The following MAGI2 variants were observed in gnomAD, a reference collection of about 807,000 sequenced individuals.
The protein encoded by MAGI2 is membrane-associated guanylate kinase, WW and PDZ domain-containing protein 2.
MAGI2 carries 35 observed loss-of-function variants against 133.3 expected under a neutral mutation model. The ratio of observed to expected loss-of-function variants is 0.26; its 90% CI spans 0.20 to 0.35. MAGI2 has a LOEUF of 0.35. Among genes scored for constraint, MAGI2 ranks in the 10% least tolerant of loss-of-function variants. MAGI2 has a pLI of 1.00. For missense variants in MAGI2, 1,636 were observed against 1,863.4 expected (o/e 0.88, Z 2.25); for synonymous variants, 729 against 710.6 (o/e 1.03, Z -0.41).
chr7:78,781,883 A>G (rs1383416899), intron 2 of MAGI2, among the ~76,000 whole-genome samples: 1 of 152,190 alleles, frequency 6.6e-6, no homozygotes, highest in Non-Finnish European at 1.5e-5. Flanking sequence ...TTGCTTTGAA[A>G]TCTTTAAGAA....
intron 20 of MAGI2, among the ~76,000 whole-genome samples, chr7:78,123,876 A>G (rs959079194): frequency 3.9e-5 from 6 of 152,202 alleles, no homozygotes; most frequent in Non-Finnish European, 8.8e-5. Context: ...TAGAGAATCT[A>G]CATTTCTACC....
chr7:79,194,715 T>G (rs1827935843), intron 1 of MAGI2, among the ~76,000 whole-genome samples: 1 of 151,766 alleles, frequency 6.6e-6, no homozygotes, highest in Admixed American at 6.6e-5. Context: ...GATGTCTCAG[T>G]GAAATCTTCC....
intron 2 of MAGI2, among the ~76,000 whole-genome samples, chr7:78,675,889 T>C (rs1207644847): frequency 1.3e-5 from 2 of 152,132 alleles, no homozygotes; most frequent in Non-Finnish European, 2.9e-5. Context: ...ACTCAACTAG[T>C]GTTCCATGCA....
intron 1 of MAGI2, among the ~76,000 whole-genome samples, chr7:79,118,376 T>C (rs1819589508): frequency 6.6e-6 from 1 of 152,184 alleles, no homozygotes; most frequent in South Asian, 2.1e-4. Flanking sequence ...CTATCAAGTA[T>C]ATATTTTTGC....
At chr7:79,314,551 A>G (rs10230275) in intron 1 of MAGI2, among the ~76,000 whole-genome samples, 7,368 of 152,258 alleles carry the variant, frequency 0.048, 587 homozygotes, top group African/African-American at 0.17. Context: ...GACAGATTTT[A>G]GTGGATTTTC....
At chr7:79,241,234 C>A (rs751384115) in intron 1 of MAGI2, among the ~76,000 whole-genome samples, 2 of 152,052 alleles carry the variant, frequency 1.3e-5, no homozygotes, top group Non-Finnish European at 2.9e-5. Flanking sequence ...CAAAAGTAAG[C>A]CAAAACACAA....
chr7:78,969,559 A>T (rs566446759), intron 2 of MAGI2, among the ~76,000 whole-genome samples: 1 of 152,142 alleles, frequency 6.6e-6, no homozygotes, highest in South Asian at 2.1e-4. Context: ...TAGTTCGATG[A>T]CTTCTCTAGT....
At chr7:78,554,905 G>A (rs12705579) in intron 3 of MAGI2, among the ~76,000 whole-genome samples, 10,509 of 152,096 alleles carry the variant, frequency 0.069, 440 homozygotes, top group Middle Eastern at 0.092. Flanking sequence ...GGGAAGCTGC[G>A]GTGTGAGGGG....
At chr7:79,351,068 G>A (rs372846279) in intron 1 of MAGI2, among the ~76,000 whole-genome samples, 4 of 152,178 alleles carry the variant, frequency 2.6e-5, no homozygotes, top group African/African-American at 7.2e-5. Context: ...AAATGAAACC[G>A]TTAGTTTGAT....
intron 11 of MAGI2, among the ~76,000 whole-genome samples, chr7:78,198,387 A>G (rs974215587): frequency 3.3e-5 from 5 of 151,304 alleles, no homozygotes; most frequent in African/African-American, 1.2e-4. Flanking sequence ...ACACCCAGGC[A>G]TCAAATAGTA....
chr7:78,159,191 C>T (rs956744389), intron 16 of MAGI2, among the ~76,000 whole-genome samples: 5 of 152,176 alleles, frequency 3.3e-5, no homozygotes, highest in African/African-American at 9.7e-5. Context: ...CTTTCTCCAT[C>T]GCAATTCCCG....
chr7:78,221,501 GTGGCCAAAACTA>G (rs1402619739), intron 10 of MAGI2, among the ~76,000 whole-genome samples: 1 of 152,164 alleles, frequency 6.6e-6, no homozygotes, highest in Non-Finnish European at 1.5e-5. Context: ...GAAGCTGAGA[GTGGCCAAAACTA>G]TGACCAAAAG....
chr7:79,373,881 T>C (rs1296629448), intron 1 of MAGI2, among the ~76,000 whole-genome samples: 3 of 152,048 alleles, frequency 2.0e-5, no homozygotes, highest in Non-Finnish European at 4.4e-5. Flanking sequence ...GTGCTGTTAA[T>C]TGTAAAAGTA....
At chr7:78,880,573 G>T (rs1011643584) in intron 2 of MAGI2, among the ~76,000 whole-genome samples, 1 of 152,124 alleles carries the variant, frequency 6.6e-6, no homozygotes, top group African/African-American at 2.4e-5. Flanking sequence ...GATCTTCAAA[G>T]GAATTCTAAA....
At chr7:78,268,551 A>C (rs987541554) in intron 9 of MAGI2, among the ~76,000 whole-genome samples, 1 of 152,182 alleles carries the variant, frequency 6.6e-6, no homozygotes. Flanking sequence ...TAGAGGAGTC[A>C]AGTCCAACAA....
intron 2 of MAGI2, among the ~76,000 whole-genome samples, chr7:78,741,010 T>C (rs1410398470): frequency 1.3e-5 from 2 of 152,088 alleles, no homozygotes; most frequent in African/African-American, 2.4e-5. Flanking sequence ...AGTGTAGATT[T>C]GTGGCACACT....
At chr7:79,074,785 G>A (rs1815317187) in intron 1 of MAGI2, among the ~76,000 whole-genome samples, 1 of 152,152 alleles carries the variant, frequency 6.6e-6, no homozygotes, top group Non-Finnish European at 1.5e-5. Context: ...GAAATCTGAG[G>A]ACTATTTGCA....
chr7:78,794,576 G>A lies in MAGI2; in HGVS notation c.419-167337C>T, dbSNP rs541702509. On this transcript the variant is annotated intron_variant, in intron 2 of 21. Coordinates refer to ENST00000354212, the MANE Select transcript of MAGI2 (RefSeq NM_012301.4). ...GATTTTACTGATTTTATTTTGAGAA[G>A]CCTTTACTTGTCCTGTTCATGCAAA... Among the ~76,000 whole-genome samples the A allele has an allele frequency of 2.0e-5, 3 of 149,368 alleles. No homozygotes were observed. The East Asian group carries it at 5.9e-4, about 29-fold the overall frequency.
At chr7:78,800,687 C>T (rs886977382) in intron 2 of MAGI2, among the ~76,000 whole-genome samples, 1 of 152,136 alleles carries the variant, frequency 6.6e-6, no homozygotes, top group Non-Finnish European at 1.5e-5. Flanking sequence ...AATGACACCA[C>T]TCTGTGGCTA....
Sources: gnomAD v4.1 joint callset for allele counts (sites outside exome capture counted in the v4.1 genomes callset) on GRCh38, gnomAD v4.1.1 for gene constraint, MANE v1.5 for transcripts, NCBI Gene and HGNC (gene_info 2026-07-23, HGNC 2026-07-21) for gene names.